Variants in NRG3 observed in about 807,000 individuals in gnomAD.
NRG3 encodes the protein pro-neuregulin-3, membrane-bound isoform.
NRG3 carries 31 observed loss-of-function variants against 66.9 expected under a neutral mutation model. The observed-to-expected ratio is 0.46, with a 90% CI of 0.35 to 0.63. The LOEUF is 0.63. NRG3 is among the 20% of genes least tolerant of loss of function. NRG3 has a pLI of 0.00. For missense variants in NRG3, 910 were observed against 878.9 expected, an observed-to-expected ratio of 1.04 and a Z score of -0.45; for synonymous variants, 393 against 359.4, an observed-to-expected ratio of 1.09 and a Z score of -1.06.
chr10:81,932,749 A>G (rs1673847204), intron 1 of NRG3, among the ~76,000 whole-genome samples: 1 of 152,142 alleles, frequency 6.6e-6, no homozygotes, highest in Non-Finnish European at 1.5e-5. Flanking sequence ...TTAAGATAGT[A>G]GGTGTTTGAT....
chr10:82,682,280 C>T (rs1370655903), intron 2 of NRG3, among the ~76,000 whole-genome samples: 2 of 151,894 alleles, frequency 1.3e-5, no homozygotes, highest in Non-Finnish European at 2.9e-5. Context: ...TTGTCCCTTC[C>T]TACTCTTTGG....
At chr10:82,209,250 A>G (rs1472973887) in intron 1 of NRG3, among the ~76,000 whole-genome samples, 1 of 152,184 alleles carries the variant, frequency 6.6e-6, no homozygotes, top group Non-Finnish European at 1.5e-5. Flanking sequence ...CTACTGGCCA[A>G]CATAAATGAA....
chr10:82,686,650 T>C lies in NRG3; in HGVS notation c.954-51927T>C, dbSNP rs1004088640. On this transcript the variant is annotated intron_variant, in intron 2 of 8. Transcript: ENST00000372141. ...TTATGATCTTATGGGACCGCAGTCA[T>C]ATACGCAGTCTGTTGTTAACTAAAA... Among the ~76,000 whole-genome samples, 3 of 152,336 alleles carry C rather than the reference T, an allele frequency of 2.0e-5. No homozygotes were observed. The East Asian group carries it at 5.8e-4, about 29-fold the overall frequency.
intron 1 of NRG3, among the ~76,000 whole-genome samples, chr10:82,163,078 CAA>C (rs1334390458): frequency 2.6e-5 from 4 of 152,076 alleles, no homozygotes; most frequent in African/African-American, 9.7e-5. Flanking sequence ...TTCAGGCCAG[CAA>C]AAGAGGCCAC....
intron 2 of NRG3, among the ~76,000 whole-genome samples, chr10:82,616,165 G>C (rs1447366136): frequency 6.6e-6 from 1 of 152,054 alleles, no homozygotes; most frequent in Non-Finnish European, 1.5e-5. Flanking sequence ...ACTGGAAACC[G>C]TTTGCACTCA....
At chr10:81,882,461 A>G (rs1276088854) in intron 1 of NRG3, among the ~76,000 whole-genome samples, 2 of 152,158 alleles carry the variant, frequency 1.3e-5, no homozygotes, top group Non-Finnish European at 2.9e-5. Context: ...ATTTGTTTGT[A>G]TATTTCTATA....
At chr10:82,603,746 T>C (rs1277049423) in intron 2 of NRG3, among the ~76,000 whole-genome samples, 1 of 152,184 alleles carries the variant, frequency 6.6e-6, no homozygotes, top group East Asian at 1.9e-4. Flanking sequence ...TGTTAAAAAG[T>C]TGCTTTTATG....
chr10:82,483,942 A>C (rs1842483439), intron 2 of NRG3, among the ~76,000 whole-genome samples: 1 of 152,226 alleles, frequency 6.6e-6, no homozygotes, highest in Admixed American at 6.5e-5. Context: ...ATTAGATTTT[A>C]ATTTGCTTTT....
At chr10:82,233,580 A>G (rs1300659865) in intron 1 of NRG3, among the ~76,000 whole-genome samples, 1 of 152,092 alleles carries the variant, frequency 6.6e-6, no homozygotes, top group South Asian at 2.1e-4. Flanking sequence ...AATGCCATCT[A>G]TCTTCTAATG....
chr10:82,352,107 A>G (rs2083471284), intron 1 of NRG3, among the ~76,000 whole-genome samples: 1 of 152,246 alleles, frequency 6.6e-6, no homozygotes, highest in African/African-American at 2.4e-5. Context: ...GGTTAGTGTG[A>G]GGATATTCAT....
At chr10:81,985,182 A>G (rs923727062) in intron 1 of NRG3, among the ~76,000 whole-genome samples, 2 of 152,244 alleles carry the variant, frequency 1.3e-5, no homozygotes, top group Non-Finnish European at 2.9e-5. Flanking sequence ...GTTAATAACC[A>G]CTTTTAAAGT....
chr10:82,827,563 G>A lies in NRG3; in HGVS notation c.1028-37848G>A, dbSNP rs77454309. ...AAAAAACCCTTGTTCTGAAGCAAAG[G>A]GTGGACTTTTAATTTTAATAGTAGC... is the stretch of plus-strand genomic sequence containing the variant. On this transcript the variant is annotated intron_variant, in intron 3 of 8. Transcript: ENST00000372141. 8.5e-3 allele frequency among the ~76,000 whole-genome samples: 1,289 copies of A among 152,198 alleles called. 17 individuals are homozygous for A. The highest frequency in any genetic ancestry group is 0.029 in the African/African-American group (1,222 of 41,528).
intron 1 of NRG3, among the ~76,000 whole-genome samples, chr10:82,052,182 A>G (rs2063629510): frequency 6.6e-6 from 1 of 152,086 alleles, no homozygotes; most frequent in Non-Finnish European, 1.5e-5. Context: ...GGGGCACTGC[A>G]GTGAAAAAAA....
chr10:82,207,276 C>T (rs903988143), intron 1 of NRG3, among the ~76,000 whole-genome samples: 4 of 151,728 alleles, frequency 2.6e-5, no homozygotes, highest in African/African-American at 4.8e-5. Context: ...CTATTTTTGT[C>T]GATAGAAAAA....
chr10:82,072,344 C>T (rs1469352535), intron 1 of NRG3, among the ~76,000 whole-genome samples: 1 of 152,158 alleles, frequency 6.6e-6, no homozygotes, highest in Non-Finnish European at 1.5e-5. Context: ...ATCTTTCTTC[C>T]CTGACTTAAC....
chr10:82,313,301 C>A (rs943833086), intron 1 of NRG3, among the ~76,000 whole-genome samples: 1 of 151,966 alleles, frequency 6.6e-6, no homozygotes, highest in African/African-American at 2.4e-5. Flanking sequence ...AGTGTCACTG[C>A]ACTCCAGCCT....
chr10:82,786,319 C>T (rs1354610946), intron 3 of NRG3, among the ~76,000 whole-genome samples: 3 of 152,152 alleles, frequency 2.0e-5, no homozygotes, highest in South Asian at 2.1e-4. Flanking sequence ...ACTGCCTTCC[C>T]ATTGTGCCCA....
intron 2 of NRG3, among the ~76,000 whole-genome samples, chr10:82,678,933 A>G (rs2134103920): frequency 6.6e-6 from 1 of 152,304 alleles, no homozygotes; most frequent in East Asian, 1.9e-4. Context: ...TGGACTCACA[A>G]ATATGCCACT....
At chr10:82,607,028 G>A (rs1362391200) in intron 2 of NRG3, among the ~76,000 whole-genome samples, 1 of 152,056 alleles carries the variant, frequency 6.6e-6, no homozygotes, top group Non-Finnish European at 1.5e-5. Flanking sequence ...GTTCCCTCCT[G>A]TCTCCTTGTT....
Sources: allele counts gnomAD v4.1 joint callset (sites outside exome capture counted in the v4.1 genomes callset), GRCh38; gene constraint gnomAD v4.1.1; transcripts MANE v1.5; gene names NCBI Gene and HGNC (gene_info 2026-07-23, HGNC 2026-07-21).